Variants in ANKRD28 observed in about 807,000 individuals in gnomAD.
The protein encoded by ANKRD28 is ankyrin repeat domain 28.
A neutral mutation model predicts 126.5 loss-of-function variants in ANKRD28; 44 were observed. The observed-to-expected ratio is 0.35, with a 90% CI of 0.27 to 0.45. The LOEUF (loss-of-function observed/expected upper bound fraction) is 0.45. Among genes scored for constraint, ANKRD28 ranks in the 20% least tolerant of loss-of-function variants. The probability of loss-of-function intolerance (pLI) is 1.00; values close to 1 mark genes in which losing one functional copy is unlikely to be tolerated. For missense variants in ANKRD28, 1,110 were observed against 1,316.6 expected, an observed-to-expected ratio of 0.84 and a Z score of 2.43; for synonymous variants, 442 against 468.5, an observed-to-expected ratio of 0.94 and a Z score of 0.73.
intron 1 of ANKRD28, among the ~76,000 whole-genome samples, chr3:15,850,224 T>TATAGAGAGAGAGAGAGAGAGAG (rs1418223588): frequency 8.5e-5 from 3 of 35,112 alleles, no homozygotes; most frequent in Non-Finnish European, 1.8e-4. Context: ...TATATATATA[T>TATAGAGAGAGAGAGAGAGAGAG]AGAGAGAGAG....
chr3:15,782,414 T>C (rs2059580033), intron 2 of ANKRD28, among the ~76,000 whole-genome samples: 1 of 152,110 alleles, frequency 6.6e-6, no homozygotes, highest in South Asian at 2.1e-4. Flanking sequence ...AATTACAAAA[T>C]ATTGGTGAGA....
At chr3:15,722,193 T>G (rs1475100298) in intron 7 of ANKRD28, among the ~76,000 whole-genome samples, 1 of 152,158 alleles carries the variant, frequency 6.6e-6, no homozygotes, top group African/African-American at 2.4e-5. Context: ...AGAGTCTCTA[T>G]TTAGAGTGGG....
intron 6 of ANKRD28, among the ~76,000 whole-genome samples, chr3:15,730,738 A>C (rs1057061315): frequency 6.6e-6 from 1 of 152,246 alleles, no homozygotes; most frequent in Non-Finnish European, 1.5e-5. Context: ...GAAAAAGGAT[A>C]ATTATAAATC....
At chr3:15,718,796 G>A (rs1258523414) in intron 8 of ANKRD28, among the ~76,000 whole-genome samples, 1 of 152,186 alleles carries the variant, frequency 6.6e-6, no homozygotes, top group Non-Finnish European at 1.5e-5. Flanking sequence ...CACAGAGACT[G>A]AGAAAACTTG....
chr3:15,717,178 A>G (rs2073170104), intron 8 of ANKRD28, among the ~76,000 whole-genome samples: 1 of 152,054 alleles, frequency 6.6e-6, no homozygotes. Context: ...AGGTCTTGCT[A>G]TATTGCTCAG....
intron 3 of ANKRD28, among the ~76,000 whole-genome samples, chr3:15,752,403 A>T (rs577797886): frequency 9.8e-5 from 15 of 152,330 alleles, no homozygotes; most frequent in African/African-American, 3.1e-4. Context: ...AAATTTTTTT[A>T]AACAAATCAA....
chr3:15,802,502 C>T (rs184635102), upstream of ANKRD28, among the ~76,000 whole-genome samples: 142 of 152,252 alleles, frequency 9.3e-4, no homozygotes, highest in African/African-American at 3.2e-3. Flanking sequence ...TATGAGTGGA[C>T]ATATATCCTT....
chr3:15,715,525 A>G (rs907118902), intron 8 of ANKRD28, among the ~76,000 whole-genome samples: 16 of 152,228 alleles, frequency 1.1e-4, no homozygotes, highest in Admixed American at 9.8e-4. Context: ...AAGCCATCCA[A>G]TTGACAAGTA....
At position 15,826,761 on chromosome 3, in the gene ANKRD28, C is replaced by A. The variant is rs115288847; in HGVS notation, c.28-31455G>T. 5.6e-3 allele frequency among the ~76,000 whole-genome samples: 852 copies of A among 152,054 alleles called. 6 individuals carry two copies. Among genetic ancestry groups the A allele is most frequent in the African/African-American group, 0.02 (812 of 41,484 alleles). Reference sequence around the variant, plus strand: ...GAGTGTAGAAGATGAACTGAAATGGCGGCAAAATTGGAGAAGAGTAGACTG... The same window carrying A: ...GAGTGTAGAAGATGAACTGAAATGGAGGCAAAATTGGAGAAGAGTAGACTG... On this transcript the variant is annotated intron_variant, in intron 1 of 27. Coordinates refer to the ANKRD28 transcript ENST00000399451.
At chr3:15,743,537 G>A (rs1181487634) in intron 4 of ANKRD28, among the ~76,000 whole-genome samples, 1 of 142,982 alleles carries the variant, frequency 7.0e-6, no homozygotes, top group Non-Finnish European at 1.5e-5. Context: ...AGTGCAGTGT[G>A]GCTTTTTAAC....
chr3:15,734,015 G>A (rs2074840853), intron 6 of ANKRD28, among the ~76,000 whole-genome samples: 1 of 152,112 alleles, frequency 6.6e-6, no homozygotes, highest in Admixed American at 6.5e-5. Context: ...AGTTGACCCT[G>A]GAATAACAAA....
At chr3:15,849,743 T>G (rs1432944169) in intron 1 of ANKRD28, among the ~76,000 whole-genome samples, 2 of 152,230 alleles carry the variant, frequency 1.3e-5, no homozygotes, top group African/African-American at 2.4e-5. Flanking sequence ...CCAGCCAGAT[T>G]TTCTTTGTTC....
chr3:15,771,675 G>A (rs2059017828), intron 2 of ANKRD28, among the ~76,000 whole-genome samples: 1 of 152,104 alleles, frequency 6.6e-6, no homozygotes, highest in South Asian at 2.1e-4. Flanking sequence ...TTTCCCATTA[G>A]GCTCCACCTC....
rs377656920 is a variant in ANKRD28 at position 15,672,984 on chromosome 3, G to A, written c.2966-2428C>T. ...AGAGACGGGGTTTTGCCATGTTGGCGGGGCTGGTCTCGAACTCCTGACCTC... is the reference window on the plus strand; with the variant it reads ...AGAGACGGGGTTTTGCCATGTTGGCAGGGCTGGTCTCGAACTCCTGACCTC... On this transcript the variant is annotated intron_variant, in intron 27 of 27. Coordinates refer to ENST00000683139, the MANE Select transcript of ANKRD28 (RefSeq NM_001349278.2). Among the ~76,000 whole-genome samples the A allele has an allele frequency of 2.8e-3, 418 of 151,630 alleles. 1 individual carries two copies. The highest frequency in any genetic ancestry group is 9.8e-3 in the African/African-American group (404 of 41,306).
Position 15,815,901 on chromosome 3 carries a change from T to C in ANKRD28, c.28-20595A>G, listed in dbSNP as rs1480525292. 6.6e-6 allele frequency among the ~76,000 whole-genome samples: 1 copy of C among 152,160 alleles called. No individual in the cohort carries two copies. The highest frequency in any genetic ancestry group is 6.5e-5 in the Admixed American group (1 of 15,276). ...TAGTCTGCCATATGGTGGCAGCAAA[T>C]ACCAAAGAAAATTAATTTCTTGAGT... On this transcript the variant is annotated intron_variant, in intron 1 of 27. Coordinates refer to the ANKRD28 transcript ENST00000399451. The surrounding 1 kb of genome is among the most constrained non-coding windows in gnomAD (Gnocchi z 4.1).
chr3:15,755,461 C>T (rs1009279572), intron 3 of ANKRD28, among the ~76,000 whole-genome samples: 1 of 152,142 alleles, frequency 6.6e-6, no homozygotes, highest in Non-Finnish European at 1.5e-5. Context: ...CTGTCTAAAG[C>T]TAAATAGAGT....
chr3:15,689,599 C>T (rs931236029), intron 18 of ANKRD28, among the ~76,000 whole-genome samples: 6 of 152,306 alleles, frequency 3.9e-5, no homozygotes, highest in Middle Eastern at 3.4e-3. Context: ...TTCTTAAACA[C>T]TTGTGTGGGA....
intron 3 of ANKRD28, among the ~76,000 whole-genome samples, chr3:15,762,050 G>C (rs937481426): frequency 1.8e-4 from 28 of 151,932 alleles, no homozygotes; most frequent in African/African-American, 5.3e-4. Context: ...GTTGGGCCTG[G>C]TGATGCATGC....
chr3:15,687,652 T>TGGAACA lies in ANKRD28; in HGVS notation c.1964-1344_1964-1343insTGTTCC, dbSNP rs1445358882. 3.6e-3 allele frequency among the ~76,000 whole-genome samples: 555 copies of TGGAACA among 152,314 alleles called. 7 individuals are homozygous for TGGAACA. The highest frequency in any genetic ancestry group is 0.013 in the African/African-American group (535 of 41,546). On this transcript the variant is annotated intron_variant, in intron 18 of 27. Transcript: ENST00000683139. ...AATATTCCACAGTATGTTCCCACAG[T>TGGAACA]TATATTAAATACTAATAGTTATTAA... is the stretch of plus-strand genomic sequence containing the variant.
Sources: allele counts gnomAD v4.1 joint callset (sites outside exome capture counted in the v4.1 genomes callset), GRCh38; gene constraint gnomAD v4.1.1; non-coding constraint Gnocchi (gnomAD v3.1); transcripts MANE v1.5; gene names NCBI Gene and HGNC (gene_info 2026-07-23, HGNC 2026-07-21).